The following UNC5D variants were observed in gnomAD, a reference collection of about 807,000 sequenced individuals.
UNC5D encodes the protein unc-5 netrin receptor D.
Under a neutral mutation model 105.4 loss-of-function variants are expected in UNC5D, and 39 were observed. The observed-to-expected ratio is 0.37, with a 90% CI of 0.29 to 0.48. The LOEUF (loss-of-function observed/expected upper bound fraction) is 0.48, where lower values mean the gene tolerates loss of function less well. Ranked by LOEUF, UNC5D falls within the 20% of genes least tolerant of loss-of-function variation. The pLI is 0.98. For synonymous variants in UNC5D, 452 were observed against 450.4 expected, an observed-to-expected ratio of 1.00 and a Z score of -0.04; for missense variants, 991 against 1,202.4, an observed-to-expected ratio of 0.82 and a Z score of 2.60.
chr8:35,265,286 C>CT (rs964760855), intron 1 of UNC5D, among the ~76,000 whole-genome samples: 6 of 151,306 alleles, frequency 4.0e-5, no homozygotes, highest in East Asian at 3.9e-4. Flanking sequence ...TATGCTAGGT[C>CT]TTTTTTTTTC....
At position 35,514,840 on chromosome 8, in the gene UNC5D, G is replaced by A. The variant is rs368681932; in HGVS notation, c.104-34452G>A. The stretch of plus-strand genomic sequence containing the variant: ...ATTCATTTTTGGAGTTTTCATTGCA[G>A]AAAATTGCCAGAAGGAATGGATTTT... On this transcript the variant is annotated intron_variant, in intron 1 of 16. Coordinates refer to ENST00000404895, the MANE Select transcript of UNC5D (RefSeq NM_080872.4). Among the ~76,000 whole-genome samples, 142 of 152,292 alleles carry A rather than the reference G, an allele frequency of 9.3e-4. 3 individuals are homozygous for A. The East Asian group carries it at 0.019, about 20-fold the overall frequency.
At chr8:35,789,137 CTATATATATATATATA>C (rs58201859) in intron 16 of UNC5D, among the ~76,000 whole-genome samples, 1,924 of 32,450 alleles carry the variant, frequency 0.059, 77 homozygotes, top group East Asian at 0.17. Context: ...GGAGAAAAGA[CTATATATATATATATA>C]TATATATATA....
At chr8:35,455,136 T>C (rs1175202307) in intron 1 of UNC5D, among the ~76,000 whole-genome samples, 2 of 152,188 alleles carry the variant, frequency 1.3e-5, no homozygotes, top group East Asian at 3.9e-4. Flanking sequence ...TCCATCAACC[T>C]GTCTGTCATC....
intron 1 of UNC5D, among the ~76,000 whole-genome samples, chr8:35,535,448 T>C (rs946111702): frequency 2.0e-5 from 3 of 146,492 alleles, no homozygotes; most frequent in Admixed American, 1.5e-4. Context: ...TTTTTTTTTT[T>C]AATTTTTTTT....
rs1387232932 is a variant in UNC5D, at chr8:35,571,174, T to G, written c.466+2933T>G. Among the ~76,000 whole-genome samples, 6 of 152,254 alleles carry G rather than the reference T, an allele frequency of 3.9e-5. No individual in the cohort carries two copies. In the East Asian group the frequency reaches 1.2e-3, roughly 29 times the overall value. On this transcript the variant is annotated intron_variant, in intron 3 of 16. Coordinates refer to ENST00000404895, the MANE Select transcript of UNC5D (RefSeq NM_080872.4). ...CCCCAGAGAACACTGTTCTATCACT[T>G]CCCACCTTTTTAGAATCATAAAATA... is the stretch of plus-strand genomic sequence containing the variant.
chr8:35,265,358 G>A (rs774221389), intron 1 of UNC5D, among the ~76,000 whole-genome samples: 2 of 152,034 alleles, frequency 1.3e-5, no homozygotes, highest in Non-Finnish European at 2.9e-5. Flanking sequence ...AAAAAAGATA[G>A]ATAGTAAAAA....
chr8:35,508,226 G>A (rs1043252255), intron 1 of UNC5D, among the ~76,000 whole-genome samples: 2 of 152,208 alleles, frequency 1.3e-5, no homozygotes, highest in Non-Finnish European at 2.9e-5. Flanking sequence ...TTACTTCACT[G>A]TTTGGATTTC....
chr8:35,298,325 T>G (rs2128868377), intron 1 of UNC5D, among the ~76,000 whole-genome samples: 1 of 152,292 alleles, frequency 6.6e-6, no homozygotes, highest in East Asian at 1.9e-4. Context: ...ACCCCTAAAC[T>G]TTGGCTCTGA....
intron 1 of UNC5D, among the ~76,000 whole-genome samples, chr8:35,289,099 T>A (rs1185872627): frequency 6.6e-6 from 1 of 151,938 alleles, no homozygotes; most frequent in African/African-American, 2.4e-5. Flanking sequence ...TCTAACCCCA[T>A]CCTACCTACA....
chr8:35,386,038 AT>A (rs954090610), intron 1 of UNC5D, among the ~76,000 whole-genome samples: 19 of 152,172 alleles, frequency 1.2e-4, no homozygotes, highest in Non-Finnish European at 1.5e-5. Context: ...GCATGAAATA[AT>A]TGTTGTTCAT....
intron 1 of UNC5D, among the ~76,000 whole-genome samples, chr8:35,387,374 A>AAAAAG (rs1245280726): frequency 3.3e-5 from 5 of 149,390 alleles, no homozygotes; most frequent in Non-Finnish European, 7.4e-5. Flanking sequence ...AAAAAAAAAA[A>AAAAAG]AGAGAAACGC....
At chr8:35,558,031 C>T (rs1230557339) in intron 2 of UNC5D, among the ~76,000 whole-genome samples, 1 of 149,242 alleles carries the variant, frequency 6.7e-6, no homozygotes, top group Non-Finnish European at 1.5e-5. Context: ...GAGGCTGAGG[C>T]AGGAGAATCG....
In UNC5D at chr8:35,687,441, CAAAAAA is replaced by C. The variant is rs34104800; in HGVS notation, c.1084+749_1084+754del. ...TGGGCAACAGAGTGAGACTCCGTCTCAAAAAAAAAAAAAAAAAAAAAAGTTATGGGG... is the reference window on the plus strand; with the variant it reads ...TGGGCAACAGAGTGAGACTCCGTCTCAAAAAAAAAAAAAAAAGTTATGGGG... On this transcript the variant is annotated intron_variant, in intron 7 of 16. Coordinates refer to ENST00000404895, the MANE Select transcript of UNC5D (RefSeq NM_080872.4). Among the ~76,000 whole-genome samples, 164 of 53,100 alleles carry C rather than the reference CAAAAAA, an allele frequency of 3.1e-3. 1 individual carries two copies. The highest frequency in any genetic ancestry group is 0.011 in the African/African-American group (155 of 14,748). 34.8% of individuals were successfully genotyped at this position (53,100 alleles called of 152,430 possible).
At chr8:35,252,701 T>C (rs1481815746) in intron 1 of UNC5D, among the ~76,000 whole-genome samples, 1 of 152,208 alleles carries the variant, frequency 6.6e-6, no homozygotes, top group East Asian at 1.9e-4. Flanking sequence ...TTTTCTAGCA[T>C]GAAAAATGCT....
At chr8:35,408,220 G>A (rs1269732992) in intron 1 of UNC5D, among the ~76,000 whole-genome samples, 1 of 151,924 alleles carries the variant, frequency 6.6e-6, no homozygotes, top group Non-Finnish European at 1.5e-5. Flanking sequence ...TGTTTTCAAT[G>A]TTTACTTTTA....
rs79428631 is a variant in UNC5D, at chr8:35,523,118, C to T, written c.104-26174C>T. Among the ~76,000 whole-genome samples the T allele has an allele frequency of 2.4e-3, 310 of 127,744 alleles. 1 individual carries two copies. Among genetic ancestry groups the T allele is most frequent in the African/African-American group, 9.1e-3 (295 of 32,248 alleles). The allele number at this position is 127,744 out of a possible 152,430, so 83.8% of individuals were successfully genotyped here. A position where few individuals can be genotyped will look rare whatever the true frequency, so the allele number is the denominator to read the frequency against. On this transcript the variant is annotated intron_variant, in intron 1 of 16. Transcript: ENST00000404895. ...TTTTTTTTTGAGACTGGGTCTTGTT[C>T]TGTCACCTAGACTGAGTGCAGTGGT... is the stretch of plus-strand genomic sequence containing the variant.
chr8:35,414,227 T>C (rs563880947), intron 1 of UNC5D, among the ~76,000 whole-genome samples: 2 of 152,286 alleles, frequency 1.3e-5, no homozygotes, highest in African/African-American at 4.8e-5. Context: ...GATTACAAAG[T>C]TCCTCAAAGG....
intron 13 of UNC5D, among the ~76,000 whole-genome samples, chr8:35,752,894 C>T (rs1484470221): frequency 6.6e-6 from 1 of 152,144 alleles, no homozygotes; most frequent in Non-Finnish European, 1.5e-5. Flanking sequence ...TATAGATAAC[C>T]CATTGCTGAC....
At chr8:35,638,717 T>C (rs982129783) in intron 4 of UNC5D, among the ~76,000 whole-genome samples, 2 of 151,964 alleles carry the variant, frequency 1.3e-5, no homozygotes, top group African/African-American at 2.4e-5. Flanking sequence ...GGAGGATTGT[T>C]CAAGCCCAGA....
Sources: gnomAD v4.1 joint callset for allele counts (sites outside exome capture counted in the v4.1 genomes callset) on GRCh38, gnomAD v4.1.1 for gene constraint, MANE v1.5 for transcripts, NCBI Gene and HGNC (gene_info 2026-07-23, HGNC 2026-07-21) for gene names.